Variants in IMMP2L observed in about 807,000 individuals in gnomAD.
The protein encoded by IMMP2L is mitochondrial inner membrane protease subunit 2.
A neutral mutation model predicts 19.3 loss-of-function variants in IMMP2L; 18 were observed. That is an observed-to-expected ratio of 0.93 (90% CI 0.64 to 1.38). The LOEUF (loss-of-function observed/expected upper bound fraction) is 1.38. Ranked by LOEUF, IMMP2L falls within the 40% of genes most tolerant of loss-of-function variation. The pLI, the probability that IMMP2L is intolerant of heterozygous loss-of-function variation, is 0.00. For missense variants in IMMP2L, 233 were observed against 218.2 expected, an observed-to-expected ratio of 1.07 and a Z score of -0.43; for synonymous variants, 76 against 73.0, an observed-to-expected ratio of 1.04 and a Z score of -0.21.
intron 3 of IMMP2L, among the ~76,000 whole-genome samples, chr7:111,048,612 A>G (rs534827097): frequency 2.0e-5 from 3 of 152,300 alleles, no homozygotes; most frequent in East Asian, 1.9e-4. Flanking sequence ...TAGTCAATAA[A>G]TATTTGTTGA....
chr7:110,678,412 A>G (rs1792477547), intron 5 of IMMP2L, among the ~76,000 whole-genome samples: 1 of 152,134 alleles, frequency 6.6e-6, no homozygotes, highest in Admixed American at 6.6e-5. Flanking sequence ...TAAGTTTCCT[A>G]GTTTCAGATG....
chr7:111,368,183 T>G (rs1362179195), intron 3 of IMMP2L, among the ~76,000 whole-genome samples: 1 of 151,812 alleles, frequency 6.6e-6, no homozygotes, highest in African/African-American at 2.4e-5. Context: ...TTATCAGGTG[T>G]ATTAAGTGGA....
chr7:110,769,869 AC>A (rs1798923804), intron 5 of IMMP2L, among the ~76,000 whole-genome samples: 2 of 152,130 alleles, frequency 1.3e-5, no homozygotes, highest in Admixed American at 1.3e-4. Flanking sequence ...TGCTGGGGAA[AC>A]AATCTGAATC....
chr7:111,432,570 A>G (rs1019457320), intron 3 of IMMP2L, among the ~76,000 whole-genome samples: 2 of 151,796 alleles, frequency 1.3e-5, no homozygotes, highest in African/African-American at 4.9e-5. Context: ...ATACTTCAAC[A>G]TAATAAAGGC....
intron 3 of IMMP2L, among the ~76,000 whole-genome samples, chr7:111,299,748 T>A (rs886904718): frequency 1.3e-5 from 2 of 151,984 alleles, no homozygotes; most frequent in African/African-American, 4.8e-5. Context: ...CTTTTTTTTT[T>A]AATAGGAAGG....
At position 110,680,197 on chromosome 7, in the gene IMMP2L, G is replaced by C. The variant is rs573800729; in HGVS notation, c.409-16476C>G. Reference sequence around the variant, plus strand: ...AGAACTTAGATTACACAGAAGTTTAGATAGGTAGGACGCCCTTAACATTAT... The same window carrying C: ...AGAACTTAGATTACACAGAAGTTTACATAGGTAGGACGCCCTTAACATTAT... On this transcript the variant is annotated intron_variant, in intron 5 of 5. Transcript: ENST00000405709. Among the ~76,000 whole-genome samples, 7 of 152,274 alleles carry C rather than the reference G, an allele frequency of 4.6e-5. No individual in the cohort carries two copies. In the South Asian group the frequency reaches 1.5e-3, roughly 32 times the overall value.
intron 5 of IMMP2L, among the ~76,000 whole-genome samples, chr7:110,712,253 G>A (rs1794924136): frequency 8.2e-6 from 1 of 121,664 alleles, no homozygotes; most frequent in Non-Finnish European, 1.7e-5. Flanking sequence ...CTGCAGGTCT[G>A]TTGGAATACC....
At chr7:111,464,239 C>T (rs1840405566) in intron 3 of IMMP2L, among the ~76,000 whole-genome samples, 1 of 152,050 alleles carries the variant, frequency 6.6e-6, no homozygotes, top group Non-Finnish European at 1.5e-5. Flanking sequence ...TTTGGGAAGC[C>T]GAGGTGGGAG....
intron 3 of IMMP2L, among the ~76,000 whole-genome samples, chr7:111,047,270 C>A (rs554571631): frequency 6.6e-6 from 1 of 152,036 alleles, no homozygotes; most frequent in South Asian, 2.1e-4. Flanking sequence ...CTCACCACAA[C>A]CTTGCCTCCC....
intron 5 of IMMP2L, among the ~76,000 whole-genome samples, chr7:110,882,843 G>A (rs1809835068): frequency 6.7e-6 from 1 of 149,976 alleles, no homozygotes; most frequent in Admixed American, 6.7e-5. Flanking sequence ...ATACTAAATT[G>A]CTTAAAATGT....
intron 3 of IMMP2L, among the ~76,000 whole-genome samples, chr7:111,221,499 C>CAGAG (rs1203113821): frequency 6.7e-6 from 1 of 150,278 alleles, no homozygotes; most frequent in African/African-American, 2.4e-5. Flanking sequence ...AATACTGAAA[C>CAGAG]AGAGAGAGAG....
intron 3 of IMMP2L, among the ~76,000 whole-genome samples, chr7:111,108,537 A>C (rs1010564458): frequency 6.6e-6 from 1 of 152,164 alleles, no homozygotes; most frequent in Non-Finnish European, 1.5e-5. Flanking sequence ...CAAAACATAC[A>C]TATCTCCATT....
intron 3 of IMMP2L, among the ~76,000 whole-genome samples, chr7:111,220,031 C>G (rs926202390): frequency 6.6e-6 from 1 of 151,978 alleles, no homozygotes; most frequent in Non-Finnish European, 1.5e-5. Flanking sequence ...ACTATTTCTC[C>G]AAGCTCCACT....
intron 3 of IMMP2L, among the ~76,000 whole-genome samples, chr7:111,418,710 G>A (rs1378664681): frequency 6.6e-6 from 1 of 151,578 alleles, no homozygotes; most frequent in Non-Finnish European, 1.5e-5. Context: ...ATGCTAGCCT[G>A]ACAATACCAA....
chr7:111,159,449 A>G (rs1437707190), intron 3 of IMMP2L, among the ~76,000 whole-genome samples: 17 of 151,712 alleles, frequency 1.1e-4, no homozygotes, highest in Non-Finnish European at 2.4e-4. Context: ...ACTTTAAAAC[A>G]TTTATCTGGT....
At chr7:111,121,978 A>G (rs1800688257) in intron 3 of IMMP2L, among the ~76,000 whole-genome samples, 1 of 151,758 alleles carries the variant, frequency 6.6e-6, no homozygotes, top group South Asian at 2.1e-4. Context: ...TATCGCAAGG[A>G]CAAAAAAACC....
At chr7:111,187,038 T>C (rs1808347712) in intron 3 of IMMP2L, among the ~76,000 whole-genome samples, 1 of 152,082 alleles carries the variant, frequency 6.6e-6, no homozygotes, top group Non-Finnish European at 1.5e-5. Flanking sequence ...GCACTTTTTC[T>C]CCATAAATGA....
At chr7:111,403,446 G>A (rs1330247873) in intron 3 of IMMP2L, among the ~76,000 whole-genome samples, 1 of 147,236 alleles carries the variant, frequency 6.8e-6, no homozygotes, top group Non-Finnish European at 1.5e-5. Flanking sequence ...ATACAGCCCA[G>A]GTATATATAT....
At chr7:111,086,826 A>C (rs1796384506) in intron 3 of IMMP2L, among the ~76,000 whole-genome samples, 1 of 152,242 alleles carries the variant, frequency 6.6e-6, no homozygotes, top group African/African-American at 2.4e-5. Flanking sequence ...TGACAGCAAT[A>C]AAAATTCCGT....
Sources: allele counts gnomAD v4.1 joint callset (sites outside exome capture counted in the v4.1 genomes callset), GRCh38; gene constraint gnomAD v4.1.1; transcripts MANE v1.5; gene names NCBI Gene and HGNC (gene_info 2026-07-23, HGNC 2026-07-21).